The following ENOX1 variants were observed in gnomAD, a reference collection of about 807,000 sequenced individuals.
The protein encoded by ENOX1 is ecto-NOX disulfide-thiol exchanger 1.
A neutral mutation model predicts 82.5 loss-of-function variants in ENOX1; 42 were observed. The ratio of observed to expected loss-of-function variants is 0.51; its 90% CI spans 0.40 to 0.66. ENOX1 has a LOEUF of 0.66. Ranked by LOEUF, ENOX1 falls within the 30% of genes least tolerant of loss-of-function variation. ENOX1 has a pLI of 0.00. For missense variants in ENOX1, 608 were observed against 811.6 expected (o/e 0.75, Z 3.05); for synonymous variants, 271 against 282.2 (o/e 0.96, Z 0.40).
chr13:43,215,532 G>T (rs1176197154), intron 16 of ENOX1, among the ~76,000 whole-genome samples: 1 of 152,200 alleles, frequency 6.6e-6, no homozygotes, highest in Non-Finnish European at 1.5e-5. Context: ...GGTGAGATTC[G>T]TGAGCAGATA....
rs561564046 is a variant in ENOX1, at chr13:43,307,832, A to C, written c.1262-9302T>G. On this transcript the variant is annotated intron_variant, in intron 11 of 16. Coordinates refer to ENST00000690772, the MANE Select transcript of ENOX1 (RefSeq NM_001347969.2). The stretch of plus-strand genomic sequence containing the variant: ...TCTTTGCAGCCATATGTCTGGAGAA[A>C]GTTTCTGCTATGGCAGGCTTGTGGC... Among the ~76,000 whole-genome samples the C allele has an allele frequency of 1.1e-4, 16 of 152,318 alleles. 2 individuals carry two copies. The South Asian group carries it at 3.1e-3, about 30-fold the overall frequency.
intron 3 of ENOX1, among the ~76,000 whole-genome samples, chr13:43,464,614 A>G (rs988847105): frequency 6.6e-6 from 1 of 152,198 alleles, no homozygotes; most frequent in African/African-American, 2.4e-5. Context: ...AAATTTGCAG[A>G]AAAAATTGCA....
chr13:43,586,101 C>T (rs9567217), intron 2 of ENOX1, among the ~76,000 whole-genome samples: 48,331 of 152,108 alleles, frequency 0.32, 8,309 homozygotes, highest in East Asian at 0.5. Context: ...TCCACAGCTA[C>T]TCTCTGAGAG....
intron 5 of ENOX1, among the ~76,000 whole-genome samples, chr13:43,405,602 G>A (rs1197619752): frequency 1.4e-5 from 2 of 146,982 alleles, no homozygotes; most frequent in Non-Finnish European, 3.0e-5. Flanking sequence ...AAGCCTAGGA[G>A]TCACTGTTGA....
intron 1 of ENOX1, among the ~76,000 whole-genome samples, chr13:43,679,771 A>G (rs577732695): frequency 2.2e-4 from 33 of 152,346 alleles, no homozygotes; most frequent in African/African-American, 7.7e-4. Flanking sequence ...ATTAGAGGAC[A>G]TAATGAATAA....
chr13:43,660,479 G>A (rs992343595), intron 2 of ENOX1, among the ~76,000 whole-genome samples: 1 of 152,090 alleles, frequency 6.6e-6, no homozygotes, highest in Admixed American at 6.5e-5. Flanking sequence ...CATTCAAGAG[G>A]AACAGGAAAT....
chr13:43,468,547 A>T (rs1014858503), intron 3 of ENOX1, among the ~76,000 whole-genome samples: 1 of 151,222 alleles, frequency 6.6e-6, no homozygotes, highest in Non-Finnish European at 1.5e-5. Context: ...CCTAGCTCTT[A>T]GGGAGGCAGA....
chr13:43,433,850 A>T (rs547649065), intron 3 of ENOX1, among the ~76,000 whole-genome samples: 19 of 152,280 alleles, frequency 1.2e-4, no homozygotes, highest in African/African-American at 3.8e-4. Flanking sequence ...TGGGAAACTG[A>T]CCTTTAATAT....
chr13:43,705,117 A>T (rs1479001480), intron 1 of ENOX1, among the ~76,000 whole-genome samples: 2 of 152,012 alleles, frequency 1.3e-5, no homozygotes, highest in African/African-American at 4.8e-5. Context: ...AAATTCAGGA[A>T]AGGAGGAACA....
At chr13:43,745,360 A>G (rs948799154) in intron 1 of ENOX1, among the ~76,000 whole-genome samples, 3 of 152,222 alleles carry the variant, frequency 2.0e-5, no homozygotes, top group African/African-American at 7.2e-5. Context: ...AAAATATAAA[A>G]TGATTAAAAC....
At chr13:43,682,482 G>A (rs1015733307) in intron 1 of ENOX1, among the ~76,000 whole-genome samples, 1 of 152,118 alleles carries the variant, frequency 6.6e-6, no homozygotes, top group East Asian at 1.9e-4. Flanking sequence ...ACTACTATGT[G>A]TTTTGTTTTC....
chr13:43,762,669 A>G (rs115048768), intron 1 of ENOX1, among the ~76,000 whole-genome samples: 2,242 of 152,296 alleles, frequency 0.015, 50 homozygotes, highest in African/African-American at 0.049. Flanking sequence ...TCGGAATCCT[A>G]GAGTATTGAA....
At chr13:43,413,773 CAATT>C (rs1435071694) in intron 3 of ENOX1, among the ~76,000 whole-genome samples, 1 of 146,816 alleles carries the variant, frequency 6.8e-6, no homozygotes, top group East Asian at 2.0e-4. Context: ...ATAAATATAA[CAATT>C]AAACATTAAA....
chr13:43,505,021 T>A (rs1184068459), intron 2 of ENOX1, among the ~76,000 whole-genome samples: 2 of 151,774 alleles, frequency 1.3e-5, no homozygotes, highest in Non-Finnish European at 2.9e-5. Context: ...ACTTCAAAAG[T>A]CAGGTAGATA....
intron 1 of ENOX1, among the ~76,000 whole-genome samples, chr13:43,713,879 A>G (rs181031964): frequency 4.0e-5 from 6 of 151,250 alleles, no homozygotes; most frequent in Middle Eastern, 3.4e-3. Context: ...TGGATTCATT[A>G]ATTTTTTGAA....
At chr13:43,652,289 A>G (rs2084228043) in intron 2 of ENOX1, among the ~76,000 whole-genome samples, 1 of 152,186 alleles carries the variant, frequency 6.6e-6, no homozygotes, top group African/African-American at 2.4e-5. Flanking sequence ...TCTCATCCCT[A>G]CTTGAGCCCT....
At chr13:43,741,475 C>T (rs1179027661) in intron 1 of ENOX1, among the ~76,000 whole-genome samples, 1 of 152,152 alleles carries the variant, frequency 6.6e-6, no homozygotes, top group Non-Finnish European at 1.5e-5. Flanking sequence ...TTGAATATAG[C>T]CATCTAAGCT....
At chr13:43,484,505 G>A (rs1444490614) in intron 2 of ENOX1, among the ~76,000 whole-genome samples, 3 of 152,020 alleles carry the variant, frequency 2.0e-5, no homozygotes, top group Admixed American at 2.0e-4. Context: ...TTTAAATCTG[G>A]GATCTTTAAT....
intron 2 of ENOX1, among the ~76,000 whole-genome samples, chr13:43,605,206 A>C (rs968735781): frequency 3.3e-5 from 5 of 152,194 alleles, no homozygotes; most frequent in Non-Finnish European, 7.3e-5. Flanking sequence ...GGCTGGAAGA[A>C]TCAATATGGT....
Sources: allele counts gnomAD v4.1 joint callset (sites outside exome capture counted in the v4.1 genomes callset), GRCh38; gene constraint gnomAD v4.1.1; transcripts MANE v1.5; gene names NCBI Gene and HGNC (gene_info 2026-07-23, HGNC 2026-07-21).